The following TRAPPC9 variants were observed in gnomAD, a reference collection of about 807,000 sequenced individuals.
The protein encoded by TRAPPC9 is IKK2 binding protein.
TRAPPC9 carries 83 observed loss-of-function variants against 124.0 expected under a neutral mutation model. That is an observed-to-expected ratio of 0.67 (90% CI 0.56 to 0.80). The LOEUF (loss-of-function observed/expected upper bound fraction) is 0.80, where lower values mean the gene tolerates loss of function less well. TRAPPC9 is among the 30% of genes least tolerant of loss of function. The pLI is 0.00. For synonymous variants in TRAPPC9, 638 were observed against 617.5 expected, an observed-to-expected ratio of 1.03 and a Z score of -0.49; for missense variants, 1,302 against 1,508.3, an observed-to-expected ratio of 0.86 and a Z score of 2.27.
rs533662005 is a variant in TRAPPC9, at chr8:140,257,204, A to G, written c.2279-4275T>C. On this transcript the variant is annotated intron_variant, in intron 15 of 22. Transcript: ENST00000438773. The surrounding 1 kb of genome is among the most constrained non-coding windows in gnomAD (Gnocchi z 4.6). The stretch of plus-strand genomic sequence containing the variant: ...TGAATGAGCAAACTAGAGTTCAGAG[A>G]GATCAAGCAGCTTTCCTAAGGGTAC... Among the ~76,000 whole-genome samples the G allele has an allele frequency of 1.9e-4, 29 of 152,352 alleles. No individual in the cohort carries two copies. The highest frequency in any genetic ancestry group is 7.0e-4 in the African/African-American group (29 of 41,592).
intron 21 of TRAPPC9, among the ~76,000 whole-genome samples, chr8:139,745,706 G>C (rs1427127523): frequency 6.6e-6 from 1 of 152,270 alleles, no homozygotes; most frequent in Non-Finnish European, 1.5e-5. Flanking sequence ...AAACAGAGCA[G>C]GACAGGGAGG....
In TRAPPC9 at chr8:139,730,912, C is replaced by T; in HGVS notation, c.*149G>A. The T allele has an allele frequency of 1.2e-6, 1 of 856,154 alleles. No individual in the cohort carries two copies. Among genetic ancestry groups the T allele is most frequent in the South Asian group, 1.7e-5 (1 of 58,716 alleles). 53.0% of individuals were successfully genotyped at this position (856,154 alleles called of 1,614,324 possible). ...TCTGCGTAGCCCAGCAAAGATGCTA[C>T]AGGAGGAACAGGAGGAGAGGGCTGG... On this transcript the variant is annotated 3_prime_UTR_variant, in exon 23 of 23. Coordinates refer to ENST00000438773, the MANE Select transcript of TRAPPC9 (RefSeq NM_001160372.4).
chr8:140,453,632 C>T (rs1320357768), intron 1 of TRAPPC9, among the ~76,000 whole-genome samples: 1 of 152,146 alleles, frequency 6.6e-6, no homozygotes, highest in East Asian at 1.9e-4. Context: ...TGCTTCTGCC[C>T]AGGATCTAAA....
intron 21 of TRAPPC9, among the ~76,000 whole-genome samples, chr8:139,830,268 TAC>T (rs916485289): frequency 2.1e-5 from 3 of 145,396 alleles, no homozygotes; most frequent in African/African-American, 8.0e-5. Flanking sequence ...CACACATGCA[TAC>T]ACACACAAAT....
intron 5 of TRAPPC9, among the ~76,000 whole-genome samples, chr8:140,423,663 T>TATACAC (rs1564014408): frequency 2.1e-5 from 3 of 144,796 alleles, no homozygotes; most frequent in Non-Finnish European, 4.4e-5. Context: ...CATACACACA[T>TATACAC]ATATACACAT....
chr8:139,839,971 A>C (rs1452945587), intron 21 of TRAPPC9, among the ~76,000 whole-genome samples: 3 of 152,232 alleles, frequency 2.0e-5, no homozygotes. Flanking sequence ...CTGGCTATTA[A>C]CAATGACTTT....
chr8:140,340,276 G>A (rs188725562), intron 9 of TRAPPC9, among the ~76,000 whole-genome samples: 146 of 152,336 alleles, frequency 9.6e-4, no homozygotes, highest in Admixed American at 2.4e-3. Flanking sequence ...ACAATCACCT[G>A]CAGAGAAACA....
rs577658407 is a variant in TRAPPC9 at position 139,842,955 on chromosome 8, G to A, written c.3055+42924C>T. On this transcript the variant is annotated intron_variant, in intron 21 of 22. Transcript: ENST00000438773. Reference sequence around the variant, plus strand: ...GTCCGGGCAGGTGAAGGAACAGTACGTGGCAGGCTGGGCATACCTTGCCAG... The same window carrying A: ...GTCCGGGCAGGTGAAGGAACAGTACATGGCAGGCTGGGCATACCTTGCCAG... Among the ~76,000 whole-genome samples the A allele has an allele frequency of 2.0e-5, 3 of 152,366 alleles. No individual in the cohort carries two copies. The East Asian group carries it at 5.8e-4, about 29-fold the overall frequency.
In TRAPPC9 at chr8:140,414,492, C is replaced by A. The variant is rs1488844737; in HGVS notation, c.887-8794G>T. Among the ~76,000 whole-genome samples, 3 of 152,234 alleles carry A rather than the reference C, an allele frequency of 2.0e-5. 1 individual carries two copies. In the South Asian group the frequency reaches 6.2e-4, roughly 32 times the overall value. ...GAGGCTGCAATGAGCCATGATCATG[C>A]CACTGCACTCCAGCCTGGGTGACAG... is the stretch of plus-strand genomic sequence containing the variant. On this transcript the variant is annotated intron_variant, in intron 5 of 22. Transcript: ENST00000438773.
chr8:140,198,017 C>T (rs1241324280), intron 17 of TRAPPC9, among the ~76,000 whole-genome samples: 1 of 152,160 alleles, frequency 6.6e-6, no homozygotes, highest in African/African-American at 2.4e-5. Flanking sequence ...TAAGCAACAC[C>T]CATTCTAGGG....
At chr8:140,362,211 G>T (rs1208709285) in intron 8 of TRAPPC9, among the ~76,000 whole-genome samples, 2 of 152,176 alleles carry the variant, frequency 1.3e-5, no homozygotes, top group Non-Finnish European at 2.9e-5. Flanking sequence ...GCCTGGCAGG[G>T]TGCCTGATAA....
chr8:139,817,651 T>C (rs980770696), intron 21 of TRAPPC9, among the ~76,000 whole-genome samples: 1 of 152,366 alleles, frequency 6.6e-6, no homozygotes, highest in East Asian at 1.9e-4. Flanking sequence ...CTTGGGCCCA[T>C]GGCTGCTGCT....
chr8:139,938,089 G>C (rs1282414047), intron 19 of TRAPPC9, among the ~76,000 whole-genome samples: 3 of 152,222 alleles, frequency 2.0e-5, no homozygotes, highest in Non-Finnish European at 4.4e-5. Context: ...TGTCTGTAAT[G>C]ATATGCAATT....
intron 17 of TRAPPC9, among the ~76,000 whole-genome samples, chr8:140,041,298 C>G (rs543981917): frequency 1.3e-5 from 2 of 152,148 alleles, no homozygotes; most frequent in African/African-American, 4.8e-5. Context: ...AGTAAAGTGT[C>G]CAAATGATTA....
intron 15 of TRAPPC9, among the ~76,000 whole-genome samples, chr8:140,259,299 C>T (rs1254472294): frequency 6.6e-6 from 1 of 152,220 alleles, no homozygotes; most frequent in Non-Finnish European, 1.5e-5. Flanking sequence ...CACATCACTG[C>T]TCTGGGCTCC....
chr8:140,368,538 C>A (rs1168794582), intron 8 of TRAPPC9, among the ~76,000 whole-genome samples: 2 of 152,116 alleles, frequency 1.3e-5, no homozygotes, highest in African/African-American at 4.8e-5. Context: ...GGATTTTCAA[C>A]CCTGAACACA....
chr8:140,055,191 C>T (rs574652522), intron 17 of TRAPPC9, among the ~76,000 whole-genome samples: 4 of 152,158 alleles, frequency 2.6e-5, no homozygotes, highest in Non-Finnish European at 5.9e-5. Flanking sequence ...TGAGATTTAT[C>T]TCTGGATGCA....
At chr8:140,001,096 G>C (rs948543161) in intron 18 of TRAPPC9, among the ~76,000 whole-genome samples, 14 of 152,122 alleles carry the variant, frequency 9.2e-5, no homozygotes, top group African/African-American at 2.9e-4. Flanking sequence ...CATGGATGAA[G>C]CTGGAAACCA....
intron 18 of TRAPPC9, among the ~76,000 whole-genome samples, chr8:140,021,116 C>G (rs552953840): frequency 6.6e-6 from 1 of 152,306 alleles, no homozygotes; most frequent in South Asian, 2.1e-4. Context: ...ACTCTGGATA[C>G]AGTAGATTTG....
Sources: allele counts gnomAD v4.1 joint callset (sites outside exome capture counted in the v4.1 genomes callset), GRCh38; gene constraint gnomAD v4.1.1; non-coding constraint Gnocchi (gnomAD v3.1); transcripts MANE v1.5; gene names NCBI Gene and HGNC (gene_info 2026-07-23, HGNC 2026-07-21).